GLYR1: variants seen among roughly 807,000 people sequenced by gnomAD.
GLYR1 encodes the protein glyoxylate reductase 1 homolog, also known as cytokine-like nuclear factor N-PAC.
In GLYR1, 21 loss-of-function variants were observed where a neutral mutation model predicts 72.7. The observed-to-expected ratio is 0.29, with a 90% confidence interval of 0.20 to 0.42. The LOEUF (loss-of-function observed/expected upper bound fraction) is 0.42. Ranked by LOEUF, GLYR1 falls within the 10% of genes least tolerant of loss-of-function variation. GLYR1 has a pLI of 1.00. For synonymous variants in GLYR1, 392 were observed against 270.2 expected, an observed-to-expected ratio of 1.45 and a Z score of -4.42; for missense variants, 594 against 712.1, an observed-to-expected ratio of 0.83 and a Z score of 1.89.
At chr16:4,812,899 C>T (rs2083406549) in intron 12 of GLYR1, among the ~76,000 whole-genome samples, 1 of 151,880 alleles carries the variant, frequency 6.6e-6, no homozygotes, top group African/African-American at 2.4e-5. Flanking sequence ...CGGGTTCATG[C>T]CATTCTCCTG....
At chr16:4,834,473 T>TC (rs1816876303) in intron 3 of GLYR1, among the ~76,000 whole-genome samples, 1 of 150,754 alleles carries the variant, frequency 6.6e-6, no homozygotes, top group African/African-American at 2.4e-5. Context: ...CTTTTTTTTT[T>TC]CCTTTTTGAG....
chr16:4,843,908 T>A (rs1016632563), intron 3 of GLYR1: 1 of 203,516 alleles, frequency 4.9e-6, no homozygotes, highest in African/African-American at 2.4e-5. Flanking sequence ...GTCAGGAGTT[T>A]GAGACCAGCC....
chr16:4,811,093 A>G, intron 15 of GLYR1, 77 bp downstream of exon 15: 1 of 1,523,730 alleles, frequency 6.6e-7, no homozygotes, highest in African/African-American at 1.4e-5. Flanking sequence ...TGACAGAGTG[A>G]GACTCCGTTA....
At chr16:4,828,463 G>A (rs894008877) in intron 5 of GLYR1, among the ~76,000 whole-genome samples, 1 of 152,036 alleles carries the variant, frequency 6.6e-6, no homozygotes, top group East Asian at 1.9e-4. Context: ...AAACCAAGAC[G>A]TTTGTGTGAC....
At chr16:4,834,748 G>C (rs1374656048) in intron 3 of GLYR1, among the ~76,000 whole-genome samples, 1 of 152,174 alleles carries the variant, frequency 6.6e-6, no homozygotes, top group Non-Finnish European at 1.5e-5. Flanking sequence ...TTACAGGTGT[G>C]AGCCAGCAAA....
rs111738126 is a variant in GLYR1, at chr16:4,822,492, G to A, written c.681+383C>T. Among the ~76,000 whole-genome samples, 54 of 151,880 alleles carry A rather than the reference G, an allele frequency of 3.6e-4. 1 individual carries two copies. Among genetic ancestry groups the A allele is most frequent in the African/African-American group, 1.3e-3 (52 of 41,390 alleles). On this transcript the variant is annotated intron_variant, in intron 7 of 15. Transcript: ENST00000321919. ...TGCAACCTCTGCCTCCCGGGTTCAA[G>A]CAATTCTCCTGCCTCAGCCTCCTGA...
At chr16:4,810,739 C>T (rs562019606) in intron 15 of GLYR1, among the ~76,000 whole-genome samples, 36 of 129,702 alleles carry the variant, frequency 2.8e-4, no homozygotes, top group African/African-American at 9.4e-4. Flanking sequence ...AAAAATTAGC[C>T]GGGCGTGGTG....
intron 15 of GLYR1, among the ~76,000 whole-genome samples, chr16:4,805,698 C>G (rs1285292763): frequency 6.6e-6 from 1 of 152,084 alleles, no homozygotes; most frequent in Admixed American, 6.6e-5. Flanking sequence ...AAAATTAGGG[C>G]CAGGCGCAGT....
chr16:4,833,541 C>T (rs1270116256), intron 3 of GLYR1, among the ~76,000 whole-genome samples: 1 of 151,650 alleles, frequency 6.6e-6, no homozygotes, highest in Non-Finnish European at 1.5e-5. Context: ...GTAACCATGG[C>T]TACTAAACCA....
rs956836383 is a variant in GLYR1, at chr16:4,823,993, C to A, written c.538-86G>T. The A allele has an allele frequency of 1.9e-5, 20 of 1,043,284 alleles. No homozygotes were observed. In the East Asian group the frequency reaches 2.0e-4, roughly 10 times the overall value. The allele number at this position is 1,043,284 out of a possible 1,614,324, so 64.6% of individuals were successfully genotyped here. ...AAGCTCCACAGTCTAAGGGAAAGTT[C>A]AAGCCAATCCCCAACCACTGTTCTG... is the stretch of plus-strand genomic sequence containing the variant. On this transcript the variant is annotated intron_variant, in intron 5 of 15. Transcript: ENST00000321919.
intron 3 of GLYR1, among the ~76,000 whole-genome samples, chr16:4,835,388 A>G (rs145168751): frequency 2.6e-5 from 4 of 152,324 alleles, no homozygotes; most frequent in African/African-American, 7.2e-5. Flanking sequence ...AGATACTAAA[A>G]TTTTCCTCTT....
At chr16:4,826,654 T>G (rs1237052359) in intron 5 of GLYR1, among the ~76,000 whole-genome samples, 1 of 152,226 alleles carries the variant, frequency 6.6e-6, no homozygotes, top group Non-Finnish European at 1.5e-5. Context: ...AGCCCAGAGC[T>G]GCCCAAAAGA....
At chr16:4,805,550 T>A (rs2141928734) in intron 15 of GLYR1, among the ~76,000 whole-genome samples, 1 of 152,338 alleles carries the variant, frequency 6.6e-6, no homozygotes, top group Middle Eastern at 3.4e-3. Flanking sequence ...TGAAATACAC[T>A]ATGGGATATA....
At chr16:4,823,092 T>C (rs2084145863) in intron 6 of GLYR1, among the ~76,000 whole-genome samples, 161 bp from the exon 7 acceptor site, 1 of 152,276 alleles carries the variant, frequency 6.6e-6, no homozygotes, top group South Asian at 2.1e-4. Flanking sequence ...CTAAGCCTTT[T>C]TATAAAAACA....
chr16:4,838,587 TTTTC>T (rs112882173), intron 3 of GLYR1, among the ~76,000 whole-genome samples: 1 of 151,490 alleles, frequency 6.6e-6, no homozygotes, highest in Non-Finnish European at 1.5e-5. Flanking sequence ...CTGATGAAAC[TTTTC>T]TTTTTTTTTT....
At chr16:4,807,284 G>T (rs952069454) in intron 15 of GLYR1, among the ~76,000 whole-genome samples, 1 of 150,334 alleles carries the variant, frequency 6.7e-6, no homozygotes, top group Admixed American at 6.7e-5. Context: ...GCTAATTTTT[G>T]GTATTTTTAG....
At position 4,832,819 on chromosome 16, in the gene GLYR1, T is replaced by C. The variant is rs2084882520; in HGVS notation, c.249A>G (p.Val83=). 6.2e-7 allele frequency: 1 copy of C among 1,613,714 alleles called. No individual in the cohort carries two copies. Among genetic ancestry groups the C allele is most frequent in the African/African-American group, 1.3e-5 (1 of 74,936 alleles). ...INKGKRFQQA[V]DAVEEFLRRA... ...TCCTGAGGAACTCTTCGACAGCATC[T>C]ACCGCTTGCTGGAATCGTTTACCCT... The change falls in exon 4 of 16, where the codon GTA becomes GTG. Residue 83 remains valine, a synonymous_variant. Transcript: ENST00000321919.
At chr16:4,824,684 G>A (rs1316377597) in intron 5 of GLYR1, among the ~76,000 whole-genome samples, 3 of 152,040 alleles carry the variant, frequency 2.0e-5, no homozygotes, top group Non-Finnish European at 4.4e-5. Context: ...CTCCTGAGAC[G>A]GACACAGGAG....
intron 5 of GLYR1, among the ~76,000 whole-genome samples, chr16:4,830,643 G>A (rs1380565673): frequency 6.6e-6 from 1 of 152,180 alleles, no homozygotes; most frequent in Non-Finnish European, 1.5e-5. Flanking sequence ...GTTGCTGCCA[G>A]CCATCTGGCT....
Sources: allele counts gnomAD v4.1 joint callset (sites outside exome capture counted in the v4.1 genomes callset), GRCh38; gene constraint gnomAD v4.1.1; transcripts MANE v1.5; gene names NCBI Gene and HGNC (gene_info 2026-07-23, HGNC 2026-07-21).